The following CACNA2D1 variants were observed in gnomAD, a reference collection of about 807,000 sequenced individuals.
The protein encoded by CACNA2D1 is calcium voltage-gated channel auxiliary subunit alpha2delta 1, also known as voltage-dependent calcium channel subunit alpha-2/delta-1.
Under a neutral mutation model 171.5 loss-of-function variants are expected in CACNA2D1, and 53 were observed. That is an observed-to-expected ratio of 0.31 (90% CI 0.25 to 0.39). CACNA2D1 has a LOEUF of 0.39. Among genes scored for constraint, CACNA2D1 ranks in the 10% least tolerant of loss-of-function variants. The probability of loss-of-function intolerance (pLI) is 1.00; values close to 1 mark genes in which losing one functional copy is unlikely to be tolerated. For missense variants in CACNA2D1, 903 were observed against 1,299.8 expected (o/e 0.69, Z 4.69); for synonymous variants, 442 against 443.1 (o/e 1.00, Z 0.03).
In CACNA2D1 at chr7:82,007,689, G is replaced by C; in HGVS notation, c.1430C>G (p.Thr477Arg). ...FNITGQFENK[T>R]NLKNQLILGV... ...CAATTAACTTTTAACCTTTAAGTTT[G>C]TCTTATTTTCAAATTGGCCGGTTAT... Residue 477 changes from threonine (T) to arginine (R), a missense_variant, in exon 16 of 39, where the codon ACA becomes AGA. This residue lies in a region of CACNA2D1 where 623 missense variants were observed against 925.5 expected (regional missense o/e 0.67). Transcript: ENST00000356860. 1 of 1,554,498 alleles carries C rather than the reference G, an allele frequency of 6.4e-7. No homozygotes were observed. Among genetic ancestry groups the C allele is most frequent in the African/African-American group, 1.4e-5 (1 of 73,702 alleles).
intron 3 of CACNA2D1, among the ~76,000 whole-genome samples, chr7:82,172,428 T>G (rs38544): frequency 0.61 from 92,732 of 151,220 alleles, 30,664 homozygotes; most frequent in Non-Finnish European, 0.74. Flanking sequence ...GAAGATAGAA[T>G]GAGAAAATAA....
chr7:82,292,539 G>T (rs1349842770), intron 3 of CACNA2D1, among the ~76,000 whole-genome samples: 1 of 152,034 alleles, frequency 6.6e-6, no homozygotes. Flanking sequence ...TGATAATTTG[G>T]ATATACAATT....
At chr7:82,019,923 A>T (rs1800979051) in intron 12 of CACNA2D1, among the ~76,000 whole-genome samples, 1 of 152,186 alleles carries the variant, frequency 6.6e-6, no homozygotes, top group African/African-American at 2.4e-5. Context: ...TTTTGGCATT[A>T]AGCCTATGAA....
intron 1 of CACNA2D1, chr7:82,410,374 A>T: frequency 3.4e-6 from 1 of 293,298 alleles, no homozygotes; most frequent in African/African-American, 2.3e-5. Context: ...ATAGCGGTTT[A>T]CCTAATCCAT....
chr7:81,957,215 A>G (rs933210213), intron 38 of CACNA2D1, among the ~76,000 whole-genome samples: 5 of 152,134 alleles, frequency 3.3e-5, no homozygotes, highest in Non-Finnish European at 7.3e-5. Context: ...TGTCTCTGTA[A>G]TGACAATTTT....
At position 82,332,566 on chromosome 7, in the gene CACNA2D1, G is replaced by GAAAGAAAGAAAGA. The variant is rs1182049378; in HGVS notation, c.294+2568_294+2569insTCTTTCTTTCTTT. ...AGAAAGAAAGAAAGAAAGAAAGAAA[G>GAAAGAAAGAAAGA]AACGAACAGAAAATTTTTGAGGGTC... On this transcript the variant is annotated intron_variant, in intron 3 of 38. Coordinates refer to ENST00000356860, the MANE Select transcript of CACNA2D1 (RefSeq NM_000722.4). Among the ~76,000 whole-genome samples, 3 of 141,304 alleles carry GAAAGAAAGAAAGA rather than the reference G, an allele frequency of 2.1e-5. No homozygotes were observed. In the East Asian group the frequency reaches 5.9e-4, roughly 28 times the overall value. 92.7% of individuals were successfully genotyped at this position (141,304 alleles called of 152,430 possible).
chr7:82,127,159 T>A (rs1452313370), intron 5 of CACNA2D1, among the ~76,000 whole-genome samples: 2 of 152,246 alleles, frequency 1.3e-5, no homozygotes, highest in African/African-American at 4.8e-5. Context: ...TTAACTCTCC[T>A]CTTAGTCCTG....
chr7:82,068,758 T>A (rs1391520760), intron 7 of CACNA2D1, among the ~76,000 whole-genome samples: 1 of 151,700 alleles, frequency 6.6e-6, no homozygotes, highest in Non-Finnish European at 1.5e-5. Flanking sequence ...TTAAAGAAAT[T>A]GGAATTTGAA....
chr7:82,082,335 T>C (rs76482217), intron 7 of CACNA2D1, among the ~76,000 whole-genome samples: 8,594 of 152,084 alleles, frequency 0.057, 271 homozygotes, highest in Middle Eastern at 0.15. Flanking sequence ...AAGAATCTTA[T>C]TGAGCAATGA....
chr7:81,990,266 G>C (rs1342623634), intron 21 of CACNA2D1, among the ~76,000 whole-genome samples: 2 of 152,158 alleles, frequency 1.3e-5, no homozygotes, highest in Non-Finnish European at 2.9e-5. Context: ...TTATAGCAAT[G>C]TAACAGACTA....
chr7:82,183,660 T>A (rs1052395853), intron 3 of CACNA2D1, among the ~76,000 whole-genome samples: 1 of 152,064 alleles, frequency 6.6e-6, no homozygotes, highest in African/African-American at 2.4e-5. Flanking sequence ...AAAGAAGAGA[T>A]TTTTGCAAAA....
intron 4 of CACNA2D1, among the ~76,000 whole-genome samples, chr7:82,140,447 A>G (rs780463464): frequency 1.8e-4 from 27 of 152,142 alleles, no homozygotes; most frequent in Admixed American, 3.9e-4. Context: ...CCCTTATTTC[A>G]TGAAACAGAA....
chr7:82,049,178 C>A (rs1804912231), intron 10 of CACNA2D1, among the ~76,000 whole-genome samples: 1 of 149,470 alleles, frequency 6.7e-6, no homozygotes, highest in South Asian at 2.1e-4. Flanking sequence ...CTTTGCCCTG[C>A]TATTATAACA....
chr7:82,426,442 T>C (rs901527627), intron 1 of CACNA2D1, among the ~76,000 whole-genome samples: 52 of 152,264 alleles, frequency 3.4e-4, no homozygotes, highest in African/African-American at 1.2e-3. Flanking sequence ...ATACAAATTC[T>C]TGAAAAATTA....
intron 3 of CACNA2D1, among the ~76,000 whole-genome samples, chr7:82,195,535 A>G (rs1263372954): frequency 6.6e-6 from 1 of 151,892 alleles, no homozygotes; most frequent in Non-Finnish European, 1.5e-5. Context: ...TTTTGTTTTT[A>G]GGTCTGTAGA....
At chr7:82,082,706 C>G (rs999162631) in intron 7 of CACNA2D1, among the ~76,000 whole-genome samples, 3 of 150,578 alleles carry the variant, frequency 2.0e-5, no homozygotes, top group African/African-American at 4.9e-5. Context: ...ACTGGAAACC[C>G]GTCCCATCTT....
chr7:82,091,683 T>C, intron 6 of CACNA2D1, among the ~76,000 whole-genome samples: 1 of 152,236 alleles, frequency 6.6e-6, no homozygotes, highest in East Asian at 1.9e-4. Context: ...AAGGGCTGTA[T>C]TTTGTATAAG....
intron 1 of CACNA2D1, among the ~76,000 whole-genome samples, chr7:82,417,572 T>C (rs1369244638): frequency 6.6e-6 from 1 of 152,200 alleles, no homozygotes; most frequent in Non-Finnish European, 1.5e-5. Context: ...ACATGTATCA[T>C]GGGTCAATTT....
chr7:82,228,739 C>T (rs1397288823), intron 3 of CACNA2D1, among the ~76,000 whole-genome samples: 1 of 152,094 alleles, frequency 6.6e-6, no homozygotes, highest in Non-Finnish European at 1.5e-5. Flanking sequence ...AAACCACCAT[C>T]CCACTGCAAA....
Sources: gnomAD v4.1 joint callset for allele counts (sites outside exome capture counted in the v4.1 genomes callset) on GRCh38, gnomAD v4.1.1 for gene constraint, gnomAD v4.1.1 regional missense constraint, MANE v1.5 for transcripts, NCBI Gene and HGNC (gene_info 2026-07-23, HGNC 2026-07-21) for gene names.